Variants in SLC12A2 observed in about 807,000 individuals in gnomAD.
SLC12A2 encodes solute carrier family 12 member 2.
A neutral mutation model predicts 136.3 loss-of-function variants in SLC12A2; 67 were observed. The ratio of observed to expected loss-of-function variants is 0.49; its 90% confidence interval spans 0.40 to 0.60. SLC12A2 has a LOEUF of 0.60. SLC12A2 is among the 20% of genes least tolerant of loss of function. The probability of loss-of-function intolerance (pLI) is 0.00; values close to 1 mark genes in which losing one functional copy is unlikely to be tolerated. For missense variants in SLC12A2, 1,322 were observed against 1,534.7 expected (o/e 0.86, Z 2.32); for synonymous variants, 619 against 562.9 (o/e 1.10, Z -1.41).
At chr5:128,114,792 T>C (rs1761287016) in intron 4 of SLC12A2, 111 bp downstream of exon 4, 3 of 674,446 alleles carry the variant, frequency 4.4e-6, no homozygotes, top group African/African-American at 3.7e-5. Flanking sequence ...ATTAAGTCTA[T>C]ATAGACAAGA....
intron 19 of SLC12A2, among the ~76,000 whole-genome samples, chr5:128,173,994 C>G (rs575326544): frequency 6.6e-6 from 1 of 152,186 alleles, no homozygotes; most frequent in East Asian, 1.9e-4. Context: ...TGTTGTCTGT[C>G]ATCTTACGTA....
chr5:128,132,580 T>G (rs932817112), intron 5 of SLC12A2, among the ~76,000 whole-genome samples: 5 of 152,182 alleles, frequency 3.3e-5, no homozygotes, highest in Admixed American at 6.5e-5. Context: ...TGCAATAGGA[T>G]TCCTCAAATA....
chr5:128,109,660 T>C lies in SLC12A2; in HGVS notation c.757-3154T>C, dbSNP rs569188436. 10 of 858,566 alleles carry C rather than the reference T, an allele frequency of 1.2e-5. No individual in the cohort carries two copies. In the East Asian group the frequency reaches 2.2e-4, roughly 19 times the overall value. 53.2% of individuals were successfully genotyped at this position (858,566 alleles called of 1,614,324 possible). On this transcript the variant is annotated intron_variant, in intron 1 of 26. Transcript: ENST00000262461. ...TTCAGACAGTGGATACATCAGGGAA[T>C]AGCTTCACATCTTCTCCAGGCGAAA...
intron 4 of SLC12A2, among the ~76,000 whole-genome samples, chr5:128,119,012 T>A (rs1289425603): frequency 6.6e-6 from 1 of 152,154 alleles, no homozygotes; most frequent in Non-Finnish European, 1.5e-5. Context: ...GGATTCAATG[T>A]GTAGGTATGA....
At chr5:128,173,804 TTTATA>T (rs1443332234) in intron 19 of SLC12A2, among the ~76,000 whole-genome samples, 4 of 152,310 alleles carry the variant, frequency 2.6e-5, no homozygotes, top group Admixed American at 6.5e-5. Flanking sequence ...TACTATCAAT[TTTATA>T]TTATATTTGT....
At chr5:128,186,461 G>GTT (rs11382084) in intron 26 of SLC12A2, 35 bp from the exon 27 acceptor site, 109,695 of 1,189,630 alleles carry the variant, frequency 0.092, 16 homozygotes, top group Non-Finnish European at 0.096. Flanking sequence ...ATTGCTCAGG[G>GTT]TTTTTTTTTT....
At chr5:128,139,145 T>C (rs1762274871) in intron 9 of SLC12A2, among the ~76,000 whole-genome samples, 1 of 152,154 alleles carries the variant, frequency 6.6e-6, no homozygotes, top group African/African-American at 2.4e-5. Flanking sequence ...TTAATTATGG[T>C]AAATTAAAAA....
At chr5:128,118,478 C>T (rs984644331) in intron 4 of SLC12A2, among the ~76,000 whole-genome samples, 21 of 152,210 alleles carry the variant, frequency 1.4e-4, no homozygotes, top group African/African-American at 5.1e-4. Context: ...GAATGGAAAA[C>T]AAATCTCATG....
intron 17 of SLC12A2, among the ~76,000 whole-genome samples, chr5:128,165,120 G>T (rs1763161083): frequency 6.6e-6 from 1 of 152,076 alleles, no homozygotes; most frequent in Non-Finnish European, 1.5e-5. Flanking sequence ...GGGATTATCG[G>T]CATGAGCATC....
At position 128,172,653 on chromosome 5, in the gene SLC12A2, A is replaced by G. The variant is rs144589429; in HGVS notation, c.2803+907A>G. 1.2e-3 allele frequency among the ~76,000 whole-genome samples: 185 copies of G among 152,332 alleles called. 1 individual carries two copies. The highest frequency in any genetic ancestry group is 4.2e-3 in the African/African-American group (175 of 41,582). On this transcript the variant is annotated intron_variant, in intron 19 of 26. Transcript: ENST00000262461. ...AAAGCCTAAGTAAGGTATAATTACT[A>G]CTTTTGCCAACTTTATAAAAACTAT...
intron 10 of SLC12A2, among the ~76,000 whole-genome samples, chr5:128,142,602 A>G (rs943994864): frequency 6.6e-6 from 1 of 152,066 alleles, no homozygotes; most frequent in Non-Finnish European, 1.5e-5. Flanking sequence ...GAAAGCATGG[A>G]ATCATCTTGC....
intron 17 of SLC12A2, among the ~76,000 whole-genome samples, chr5:128,163,532 A>G (rs4836370): frequency 0.32 from 47,924 of 151,934 alleles, 9,089 homozygotes; most frequent in African/African-American, 0.53. Flanking sequence ...CCATCTCAAA[A>G]AAAAAAAGAA....
intron 22 of SLC12A2, among the ~76,000 whole-genome samples, chr5:128,179,195 G>T (rs1763624749): frequency 6.6e-6 from 1 of 152,120 alleles, no homozygotes; most frequent in African/African-American, 2.4e-5. Flanking sequence ...ATGGCACAGA[G>T]GGATTACTCT....
chr5:128,130,750 G>A (rs1035337935), intron 4 of SLC12A2, among the ~76,000 whole-genome samples: 1 of 152,056 alleles, frequency 6.6e-6, no homozygotes, highest in Non-Finnish European at 1.5e-5. Flanking sequence ...ATTGGGAAAT[G>A]ATCTCTTGGG....
intron 17 of SLC12A2, among the ~76,000 whole-genome samples, chr5:128,163,795 A>G (rs1763117569): frequency 1.3e-5 from 2 of 152,214 alleles, no homozygotes; most frequent in Middle Eastern, 3.2e-3. Flanking sequence ...ATTTCTAAGT[A>G]ATAGAATACA....
At chr5:128,147,797 G>A (rs1762577156) in intron 11 of SLC12A2, 68 bp downstream of exon 11, 1 of 953,314 alleles carries the variant, frequency 1.0e-6, no homozygotes, top group South Asian at 1.5e-5. Context: ...ATTTAGAATT[G>A]TTGCTATTTT....
Position 128,178,549 on chromosome 5 carries a change from T to C in SLC12A2, c.2978-18T>C, listed in dbSNP as rs760160190. 1.3e-6 allele frequency: 2 copies of C among 1,526,310 alleles called. No individual in the cohort carries two copies. Among genetic ancestry groups the C allele is most frequent in the Admixed American group, 2.3e-5 (1 of 42,994 alleles). 94.5% of individuals were successfully genotyped at this position (1,526,310 alleles called of 1,614,324 possible). ...ATATTTACTTTGCTTACATTTTATA[T>C]TTTGCTTAATCCTTTAGAATCCAAA... is the stretch of plus-strand genomic sequence containing the variant. On this transcript the variant is annotated intron_variant, in intron 21 of 26. Transcript: ENST00000262461.
At chr5:128,093,242 C>A (rs1378634714) in intron 1 of SLC12A2, among the ~76,000 whole-genome samples, 1 of 152,070 alleles carries the variant, frequency 6.6e-6, no homozygotes, top group Non-Finnish European at 1.5e-5. Context: ...TTCCTTCTGC[C>A]TTTCTGACTC....
rs1445998752 is a variant in SLC12A2 at position 128,151,285 on chromosome 5, C to A, written c.2152C>A (p.Leu718Ile). The stretch of plus-strand genomic sequence containing the variant: ...ATACTACAACATGTGGATATCACTT[C>A]TTGGAGCAATTCTTTGTTGCATAGT... ...FKYYNMWISL[L>I]GAILCCIVMF... The change falls in exon 14 of 27, where the codon CTT (leucine) becomes ATT (isoleucine). Residue 718 changes from leucine (L) to isoleucine (I), a missense_variant. Physicochemically the swap from Leu to Ile is conservative, Grantham distance 5. This residue lies in a region of SLC12A2 where 294 missense variants were observed against 436.6 expected (regional missense o/e 0.67). Transcript: ENST00000262461. The A allele has an allele frequency of 6.2e-7, 1 of 1,611,224 alleles. No individual in the cohort carries two copies. Among genetic ancestry groups the A allele is most frequent in the East Asian group, 2.2e-5 (1 of 44,766 alleles).
Sources: gnomAD v4.1 joint callset for allele counts (sites outside exome capture counted in the v4.1 genomes callset) on GRCh38, gnomAD v4.1.1 for gene constraint, gnomAD v4.1.1 regional missense constraint, MANE v1.5 for transcripts, NCBI Gene and HGNC (gene_info 2026-07-23, HGNC 2026-07-21) for gene names.